The following TRAPPC3 variants were observed in gnomAD, a reference collection of about 807,000 sequenced individuals.
TRAPPC3 encodes trafficking protein particle complex 3.
In TRAPPC3, 5 loss-of-function variants were observed where a neutral mutation model predicts 18.2. The ratio of observed to expected loss-of-function variants is 0.28; its 90% confidence interval spans 0.14 to 0.58. The LOEUF is 0.58. Among genes scored for constraint, TRAPPC3 ranks in the 20% least tolerant of loss-of-function variants. TRAPPC3 has a pLI of 0.91. For missense variants in TRAPPC3, 176 were observed against 225.9 expected, an observed-to-expected ratio of 0.78 and a Z score of 1.41; for synonymous variants, 65 against 84.2, an observed-to-expected ratio of 0.77 and a Z score of 1.25.
chr1:36,151,275 C>T (rs1319646328), upstream of TRAPPC3, among the ~76,000 whole-genome samples: 2 of 152,096 alleles, frequency 1.3e-5, no homozygotes, highest in Non-Finnish European at 2.9e-5. Context: ...GTAACCCCAG[C>T]ACATTGGGAG....
chr1:36,152,144 G>A (rs947206387), upstream of TRAPPC3, among the ~76,000 whole-genome samples: 4 of 152,134 alleles, frequency 2.6e-5, no homozygotes, highest in African/African-American at 7.2e-5. Flanking sequence ...CCTCAGTTCT[G>A]AGAGATTTGT....
chr1:36,141,958 CAAAAAAAAAAA>C (rs71053907), intron 1 of TRAPPC3, among the ~76,000 whole-genome samples: 1 of 64,120 alleles, frequency 1.6e-5, no homozygotes. Flanking sequence ...ATTCCGTCTC[CAAAAAAAAAAA>C]AAAAAAAAAA....
At chr1:36,152,934 G>A (rs1239591280), upstream of TRAPPC3, among the ~76,000 whole-genome samples, 1 of 152,226 alleles carries the variant, frequency 6.6e-6, no homozygotes, top group African/African-American at 2.4e-5. Context: ...TTAGGCGTGA[G>A]CCACTGTGCC....
rs778258397 is a variant in TRAPPC3, at chr1:36,137,187, C to T, written c.*16G>A. The T allele has an allele frequency of 5.0e-5, 80 of 1,599,140 alleles. No individual in the cohort carries two copies. Among genetic ancestry groups the T allele is most frequent in the Middle Eastern group, 1.7e-4 (1 of 6,040 alleles). On this transcript the variant is annotated 3_prime_UTR_variant, in exon 5 of 5. Transcript: ENST00000373166. ...CAACAGTGCTCCTGATGGCTATCCT[C>T]GAGTTGTAGGGATGGTTATTCCTCT...
intron 3 of TRAPPC3, 168 bp from the exon 4 acceptor site, chr1:36,138,146 T>C (rs1422331727): frequency 1.1e-5 from 17 of 1,552,524 alleles, no homozygotes; most frequent in Middle Eastern, 3.3e-4. Flanking sequence ...CATCTGTACA[T>C]GATGCTGCAC....
At chr1:36,143,842 T>G (rs1247001687) in intron 1 of TRAPPC3, among the ~76,000 whole-genome samples, 1 of 152,240 alleles carries the variant, frequency 6.6e-6, no homozygotes, top group Non-Finnish European at 1.5e-5. Context: ...TTTTCCCATC[T>G]GTAAAATGGT....
At chr1:36,154,401 G>A (rs1644297871), upstream of TRAPPC3, among the ~76,000 whole-genome samples, 1 of 152,118 alleles carries the variant, frequency 6.6e-6, no homozygotes, top group African/African-American at 2.4e-5. Context: ...AGGGGTGGGA[G>A]GTGGGAGAAG....
At chr1:36,138,299 A>G (rs764457611) in intron 3 of TRAPPC3, 40 of 1,527,636 alleles carry the variant, frequency 2.6e-5, no homozygotes, top group Non-Finnish European at 3.4e-5. Flanking sequence ...GGAAGGGAGC[A>G]CTAGTCTTTC....
At chr1:36,142,852 GA>G (rs1236093019) in intron 1 of TRAPPC3, among the ~76,000 whole-genome samples, 1 of 151,578 alleles carries the variant, frequency 6.6e-6, no homozygotes, top group Non-Finnish European at 1.5e-5. Context: ...CAAACACTGA[GA>G]CCCCCAACTT....
upstream of TRAPPC3, among the ~76,000 whole-genome samples, chr1:36,151,598 T>C (rs1389368840): frequency 1.3e-5 from 2 of 152,034 alleles, no homozygotes; most frequent in Non-Finnish European, 2.9e-5. Context: ...GTGACAGAAC[T>C]GAAACCTTGT....
chr1:36,153,256 T>C (rs1644284830), upstream of TRAPPC3, among the ~76,000 whole-genome samples: 1 of 152,154 alleles, frequency 6.6e-6, no homozygotes, highest in South Asian at 2.1e-4. Context: ...AGAGAGACAC[T>C]CTTAACCCTC....
chr1:36,149,227 A>G, intron 1 of TRAPPC3, 110 bp downstream of exon 1: 1 of 1,552,794 alleles, frequency 6.4e-7, no homozygotes, highest in Non-Finnish European at 8.7e-7. Context: ...TCCCCTTGCC[A>G]GAGCTCACAG....
At position 36,139,222 on chromosome 1, in the gene TRAPPC3, G is replaced by C. The variant is rs529301919; in HGVS notation, c.240+498C>G. 3.7e-5 allele frequency among the ~76,000 whole-genome samples: 5 copies of C among 134,538 alleles called. No homozygotes were observed. The East Asian group carries it at 1.2e-3, about 33-fold the overall frequency. 88.3% of individuals were successfully genotyped at this position (134,538 alleles called of 152,430 possible). ...TACCCAGGATGGAATGCAGTGATGTGATCTCGGCTCACTGCAACCTCCGCC... is the reference window on the plus strand; with the variant it reads ...TACCCAGGATGGAATGCAGTGATGTCATCTCGGCTCACTGCAACCTCCGCC... On this transcript the variant is annotated intron_variant, in intron 3 of 4. Coordinates refer to ENST00000373166, the MANE Select transcript of TRAPPC3 (RefSeq NM_014408.5).
upstream of TRAPPC3, among the ~76,000 whole-genome samples, chr1:36,154,130 G>A (rs1024279752): frequency 6.6e-6 from 1 of 152,092 alleles, no homozygotes; most frequent in Admixed American, 6.6e-5. Context: ...TCAGCCTCTG[G>A]AGTAGCTGGG....
At chr1:36,153,691 AC>A (rs1644289550), upstream of TRAPPC3, among the ~76,000 whole-genome samples, 1 of 152,080 alleles carries the variant, frequency 6.6e-6, no homozygotes, top group Admixed American at 6.5e-5. Context: ...CCCCCCGCCC[AC>A]CGCCGTATGT....
At chr1:36,142,020 A>G (rs1362187804) in intron 1 of TRAPPC3, among the ~76,000 whole-genome samples, 1 of 151,898 alleles carries the variant, frequency 6.6e-6, no homozygotes, top group Admixed American at 6.6e-5. Flanking sequence ...TTATTGACAA[A>G]AGTAATTTGG....
upstream of TRAPPC3, among the ~76,000 whole-genome samples, chr1:36,151,228 T>A (rs1265850592): frequency 1.3e-5 from 2 of 152,072 alleles, no homozygotes; most frequent in East Asian, 1.9e-4. Context: ...GATAGGTTCT[T>A]AAAGGCTTCT....
chr1:36,137,764 G>C (rs200803116), intron 4 of TRAPPC3, 32 bp downstream of exon 4: 11 of 1,595,888 alleles, frequency 6.9e-6, no homozygotes, highest in South Asian at 2.2e-5. Flanking sequence ...ATTGCATTTC[G>C]GGTGTCCCAG....
intron 3 of TRAPPC3, among the ~76,000 whole-genome samples, chr1:36,139,156 ATTT>A (rs368101649): frequency 8.7e-6 from 1 of 115,498 alleles, no homozygotes; most frequent in African/African-American, 4.0e-5. Flanking sequence ...GTGAGTCTGT[ATTT>A]TTTTTTTTTT....
Sources: gnomAD v4.1 joint callset for allele counts (sites outside exome capture counted in the v4.1 genomes callset) on GRCh38, gnomAD v4.1.1 for gene constraint, MANE v1.5 for transcripts, NCBI Gene and HGNC (gene_info 2026-07-23, HGNC 2026-07-21) for gene names.